Variants in SLC12A4 observed in about 807,000 individuals in gnomAD.
The protein encoded by SLC12A4 is electroneutral potassium-chloride cotransporter 1.
SLC12A4 carries 84 observed loss-of-function variants against 119.2 expected under a neutral mutation model. The observed-to-expected ratio is 0.70, with a 90% CI of 0.59 to 0.85. The LOEUF is 0.85. Ranked by LOEUF, SLC12A4 falls within the 40% of genes least tolerant of loss-of-function variation. The pLI, the probability that SLC12A4 is intolerant of heterozygous loss-of-function variation, is 0.00. For missense variants in SLC12A4, 1,298 were observed against 1,476.3 expected, an observed-to-expected ratio of 0.88 and a Z score of 1.98; for synonymous variants, 599 against 604.6, an observed-to-expected ratio of 0.99 and a Z score of 0.14.
rs749155027 is a variant in SLC12A4 at position 67,944,830 on chromosome 16, G to A, written c.*10C>T. ...AGACCTCGACTCCAGGCCACAAGAT[G>A]ACACTGGGCTCAGGAGTAGATGGTG... On this transcript the variant is annotated 3_prime_UTR_variant, in exon 24 of 24. Transcript: ENST00000316341. This position sits in a 1 kb window ranked among gnomAD's most constrained non-coding sequence, Gnocchi z 6.6. The A allele has an allele frequency of 6.1e-5, 99 of 1,612,476 alleles. No homozygotes were observed. The highest frequency in any genetic ancestry group is 8.1e-5 in the Non-Finnish European group (95 of 1,179,864).
chr16:67,943,739 G>T lies in SLC12A4; in HGVS notation c.*1101C>A. 1 of 588,242 alleles carries T rather than the reference G, an allele frequency of 1.7e-6. No individual in the cohort carries two copies. The highest frequency in any genetic ancestry group is 3.0e-6 in the Non-Finnish European group (1 of 337,696). 36.4% of individuals were successfully genotyped at this position (588,242 alleles called of 1,614,324 possible). ...CCCCGTCCCCCACTCCGCCCCCCCT[G>T]GGTTAGACAACTGAGAGTCACAGTG... is the stretch of plus-strand genomic sequence containing the variant. On this transcript the variant is annotated 3_prime_UTR_variant, in exon 24 of 24. Transcript: ENST00000316341. The surrounding 1 kb of genome is among the most constrained non-coding windows in gnomAD (Gnocchi z 4.6).
intron 17 of SLC12A4, 126 bp from the exon 18 acceptor site, chr16:67,946,759 A>G (rs1397542575): frequency 7.8e-7 from 1 of 1,274,122 alleles, no homozygotes; most frequent in Non-Finnish European, 1.1e-6. Flanking sequence ...CAAGCTGCCT[A>G]CCCAGAGGCC....
rs575986675 is a variant in SLC12A4, at chr16:67,951,236, C to A, written c.1201G>T (p.Ala401Ser). The stretch of plus-strand genomic sequence containing the variant: ...GGCAGGCTCTCCTTCAGGCTCGGGG[C>A]ATCTGCGGAGGGCAGCCCATGCTTC... The part of the protein sequence containing the change: ...VEKHGLPSAD[A>S]PSLKESLPLY... Residue 401 changes from alanine to serine, a missense_variant, in exon 9 of 24, where the codon GCC becomes TCC. Ala to Ser is a moderately conservative substitution (Grantham distance 99, BLOSUM62 1). Transcript: ENST00000316341. The surrounding 1 kb of genome is among the most constrained non-coding windows in gnomAD (Gnocchi z 5.2). 2 of 1,614,090 alleles carry A rather than the reference C, an allele frequency of 1.2e-6. No individual in the cohort carries two copies. The highest frequency in any genetic ancestry group is 1.1e-5 in the South Asian group (1 of 91,078).
chr16:67,962,497 G>C (rs2030635561), intron 2 of SLC12A4: 1 of 152,286 alleles, frequency 6.6e-6, no homozygotes, highest in South Asian at 2.1e-4. Context: ...ACAGGGAGAA[G>C]TTGCTTTGGT....
In SLC12A4 at chr16:67,968,507, T is replaced by A. The variant is rs761582904; in HGVS notation, c.47A>T (p.Asp16Val). 1.3e-6 allele frequency: 2 copies of A among 1,584,280 alleles called. No homozygotes were observed. The highest frequency in any genetic ancestry group is 1.7e-6 in the Non-Finnish European group (2 of 1,169,890). Residue 16 changes from aspartate to valine, a missense_variant, in exon 1 of 24, where the codon GAC becomes GTC. By Grantham distance (152) the Asp-to-Val change is radical. Transcript: ENST00000316341. ...ACTGAGCCCCTCGAGGTTGTCATAGTCGCCGCGCCTCGGCCCGTCCACTGG... is the reference window on the plus strand; with the variant it reads ...ACTGAGCCCCTCGAGGTTGTCATAGACGCCGCGCCTCGGCCCGTCCACTGG... ...VVPVDGPRRG[D>V]YDNLEGLSWV...
Position 67,968,435 on chromosome 16 carries a change from T to C in SLC12A4, c.115+4A>G. The C allele has an allele frequency of 6.4e-7, 1 of 1,567,566 alleles. No homozygotes were observed. The highest frequency in any genetic ancestry group is 8.6e-7 in the Non-Finnish European group (1 of 1,163,852). On this transcript the variant is annotated splice_donor_region_variant and intron_variant, in intron 1 of 23. Transcript: ENST00000316341. The stretch of plus-strand genomic sequence containing the variant: ...CGCCACGGCCCCTCAGAACGCGCCC[T>C]CACCGTCCGAGTCATCCAGCTCGGC...
rs1033963022 is a variant in SLC12A4 at position 67,944,225 on chromosome 16, T to C, written c.*615A>G. ...GGCCAGTGGGGGTTGTGGCCAGAGA[T>C]TGCCGGAAAGGGGCACAGCCTCAGG... is the stretch of plus-strand genomic sequence containing the variant. On this transcript the variant is annotated 3_prime_UTR_variant, in exon 24 of 24. Coordinates refer to ENST00000316341, the MANE Select transcript of SLC12A4 (RefSeq NM_005072.5). This position sits in a 1 kb window ranked among gnomAD's most constrained non-coding sequence, Gnocchi z 6.6. 5 of 1,450,486 alleles carry C rather than the reference T, an allele frequency of 3.4e-6. No individual in the cohort carries two copies. The highest frequency in any genetic ancestry group is 3.6e-6 in the Non-Finnish European group (4 of 1,097,784). The allele number at this position is 1,450,486 out of a possible 1,614,324, so 89.9% of individuals were successfully genotyped here.
At position 67,946,583 on chromosome 16, in the gene SLC12A4, C is replaced by T; in HGVS notation, c.2292G>A (p.Val764=). 1 of 1,613,182 alleles carries T rather than the reference C, an allele frequency of 6.2e-7. No homozygotes were observed. The highest frequency in any genetic ancestry group is 8.5e-7 in the Non-Finnish European group (1 of 1,180,014). ...EIEKVKGFCQ[V]VVASKVREGL... is the part of the protein sequence containing the mutation. ...CCTCCCGCACCTTGCTGGCCACCACCACCTGGCAGAAGCCCTTCACCTTCT... is the reference window on the plus strand; with the variant it reads ...CCTCCCGCACCTTGCTGGCCACCACTACCTGGCAGAAGCCCTTCACCTTCT... Residue 764 remains valine (V), a synonymous_variant, in exon 18 of 24, where the codon GTG becomes GTA. Transcript: ENST00000316341.
chr16:67,957,705 T>C (rs1368401813), intron 5 of SLC12A4, 37 bp downstream of exon 5: 6 of 1,611,588 alleles, frequency 3.7e-6, no homozygotes, highest in Non-Finnish European at 5.1e-6. Context: ...ACTGGGTCCT[T>C]TTCTCTTCCA....
chr16:67,955,859 C>A (rs917723930), intron 5 of SLC12A4, among the ~76,000 whole-genome samples: 1 of 146,028 alleles, frequency 6.8e-6, no homozygotes, highest in African/African-American at 2.6e-5. Context: ...AGCCTGGCGA[C>A]AGAGTGAGAC....
chr16:67,945,641 G>A, intron 21 of SLC12A4, 88 bp from the exon 22 acceptor site: 1 of 1,517,986 alleles, frequency 6.6e-7, no homozygotes, highest in Non-Finnish European at 9.0e-7. Context: ...TTGCCTCCGG[G>A]AAATGAGCAC....
At chr16:67,961,296 G>A (rs575516556) in intron 3 of SLC12A4, among the ~76,000 whole-genome samples, 1 of 152,272 alleles carries the variant, frequency 6.6e-6, no homozygotes, top group South Asian at 2.1e-4. Flanking sequence ...CCCAGGCCTG[G>A]TGTGGTACCT....
In SLC12A4 at chr16:67,944,502, AAAC is replaced by A; in HGVS notation, c.*335_*337del. 2 of 1,252,250 alleles carry A rather than the reference AAAC, an allele frequency of 1.6e-6. No homozygotes were observed. Among genetic ancestry groups the A allele is most frequent in the Non-Finnish European group, 2.0e-6 (2 of 995,490 alleles). 77.6% of individuals were successfully genotyped at this position (1,252,250 alleles called of 1,614,324 possible). A position where few individuals can be genotyped will look rare whatever the true frequency, so the allele number is the denominator to read the frequency against. ...CCCTTCGTCTCTGATGGTGACATCC[AAAC>A]AATAAATATGCAATAAATAGCGCTC... On this transcript the variant is annotated 3_prime_UTR_variant, in exon 24 of 24. Transcript: ENST00000316341. This position sits in a 1 kb window ranked among gnomAD's most constrained non-coding sequence, Gnocchi z 6.6.
rs192786846 is a variant in SLC12A4, at chr16:67,957,883, C to T, written c.489+15G>A. 2.6e-5 allele frequency: 42 copies of T among 1,614,116 alleles called. No individual in the cohort carries two copies. The highest frequency in any genetic ancestry group is 2.5e-4 in the Admixed American group (15 of 60,018). On this transcript the variant is annotated intron_variant, in intron 4 of 23. Transcript: ENST00000316341. ...GCCCATGCCCAGCCCAACCCTCCCACGCCAGGACACTCACACAACAGCAGC... is the reference window on the plus strand; with the variant it reads ...GCCCATGCCCAGCCCAACCCTCCCATGCCAGGACACTCACACAACAGCAGC...
chr16:67,949,855 C>T lies in SLC12A4; in HGVS notation c.1693G>A (p.Ala565Thr), dbSNP rs1057160727. The change falls in exon 13 of 24, where the codon GCC becomes ACC. Residue 565 changes from alanine (A) to threonine (T), a missense_variant. Transcript: ENST00000316341. The surrounding 1 kb of genome is among the most constrained non-coding windows in gnomAD (Gnocchi z 4.6). ...TWALLLTALI[A>T]ELGILIASLD... ...GAGGCGATGAGGATGCCCAGCTCGG[C>T]GATGAGTGCCGTCAGGAGGAGTGCC... 3.7e-6 allele frequency: 6 copies of T among 1,609,864 alleles called. No individual in the cohort carries two copies. The highest frequency in any genetic ancestry group is 5.1e-6 in the Non-Finnish European group (6 of 1,178,254).
rs779459851 is a variant in SLC12A4, at chr16:67,949,771, T to TC, written c.1748+28dup. ...CTGGGGTTCAGGAAGCCTTTCCCCA[T>TC]CCCCCTGCCCTGCCCGGCCCCAGCT... On this transcript the variant is annotated intron_variant, in intron 13 of 23. Transcript: ENST00000316341. This position sits in a 1 kb window ranked among gnomAD's most constrained non-coding sequence, Gnocchi z 4.6. The TC allele has an allele frequency of 4.1e-6, 6 of 1,481,422 alleles. No individual in the cohort carries two copies. The South Asian group carries it at 5.8e-5, about 14-fold the overall frequency. 91.8% of individuals were successfully genotyped at this position (1,481,422 alleles called of 1,614,324 possible). A position where few individuals can be genotyped will look rare whatever the true frequency, so the allele number is the denominator to read the frequency against.
chr16:67,968,502 C>A lies in SLC12A4; in HGVS notation c.52G>T (p.Asp18Tyr). 6.3e-7 allele frequency: 1 copy of A among 1,585,856 alleles called. No homozygotes were observed. The highest frequency in any genetic ancestry group is 8.5e-7 in the Non-Finnish European group (1 of 1,170,354). ...PVDGPRRGDYDNLEGLSWVDY... is the reference protein window; with the variant it reads ...PVDGPRRGDYYNLEGLSWVDY... Reference sequence around the variant, plus strand: ...ACCCAACTGAGCCCCTCGAGGTTGTCATAGTCGCCGCGCCTCGGCCCGTCC... The same window carrying A: ...ACCCAACTGAGCCCCTCGAGGTTGTAATAGTCGCCGCGCCTCGGCCCGTCC... The change falls in exon 1 of 24, where the codon GAC (aspartate) becomes TAC (tyrosine). Residue 18 changes from aspartate (D) to tyrosine (Y), a missense_variant. Physicochemically the swap from Asp to Tyr is radical, Grantham distance 160. Transcript: ENST00000316341.
In SLC12A4 at chr16:67,944,322, A is replaced by G; in HGVS notation, c.*518T>C. ...CCAGGGGAAACAGAGCCGGGGCAGC[A>G]GGAGGCCCAGAACTACACAATGTTT... On this transcript the variant is annotated 3_prime_UTR_variant, in exon 24 of 24. Coordinates refer to ENST00000316341, the MANE Select transcript of SLC12A4 (RefSeq NM_005072.5). This position sits in a 1 kb window ranked among gnomAD's most constrained non-coding sequence, Gnocchi z 6.6. 2 of 1,409,210 alleles carry G rather than the reference A, an allele frequency of 1.4e-6. No individual in the cohort carries two copies. Among genetic ancestry groups the G allele is most frequent in the Non-Finnish European group, 1.8e-6 (2 of 1,083,736 alleles). The allele number at this position is 1,409,210 out of a possible 1,614,324, so 87.3% of individuals were successfully genotyped here.
intron 6 of SLC12A4, among the ~76,000 whole-genome samples, chr16:67,952,778 G>A (rs779698342): frequency 1.4e-4 from 21 of 148,654 alleles, no homozygotes; most frequent in Non-Finnish European, 3.0e-4. Flanking sequence ...GACAGAGGGG[G>A]ACTCCGTCTC....
Sources: allele counts gnomAD v4.1 joint callset (sites outside exome capture counted in the v4.1 genomes callset), GRCh38; gene constraint gnomAD v4.1.1; non-coding constraint Gnocchi (gnomAD v3.1); transcripts MANE v1.5; gene names NCBI Gene and HGNC (gene_info 2026-07-23, HGNC 2026-07-21).